CMTM8: variants seen among roughly 807,000 people sequenced by gnomAD.
CMTM8 encodes the protein CKLF like MARVEL transmembrane domain containing 8.
CMTM8 carries 12 observed loss-of-function variants against 18.6 expected under a neutral mutation model. The ratio of observed to expected loss-of-function variants is 0.65; its 90% CI spans 0.41 to 1.05. CMTM8 has a LOEUF of 1.05. CMTM8 is among the 50% of genes least tolerant of loss of function. CMTM8 has a pLI of 0.00. For missense variants in CMTM8, 217 were observed against 227.2 expected, an observed-to-expected ratio of 0.95 and a Z score of 0.29; for synonymous variants, 87 against 90.6, an observed-to-expected ratio of 0.96 and a Z score of 0.23.
chr3:32,308,017 C>A (rs1461163901), intron 1 of CMTM8, among the ~76,000 whole-genome samples: 2 of 152,238 alleles, frequency 1.3e-5, no homozygotes, highest in Non-Finnish European at 2.9e-5. Flanking sequence ...TAAGACCATT[C>A]CTTTAAGCGG....
At chr3:32,273,793 C>G (rs951214817) in intron 1 of CMTM8, among the ~76,000 whole-genome samples, 2 of 151,940 alleles carry the variant, frequency 1.3e-5, no homozygotes, top group Admixed American at 6.6e-5. Flanking sequence ...TTTGAATAGT[C>G]TAAAAATTAC....
In CMTM8 at chr3:32,239,096, G is replaced by A. The variant is rs1178175958; in HGVS notation, c.124G>A (p.Gly42Ser). Residue 42 changes from glycine to serine, a missense_variant, in exon 1 of 4, where the codon GGC becomes AGC. Physicochemically the swap from Gly to Ser is moderately conservative, Grantham distance 56. Coordinates refer to ENST00000307526, the MANE Select transcript of CMTM8 (RefSeq NM_178868.5). The part of the protein sequence containing the change: ...YDREFLRTLP[G>S]FLIVAEIVLG... ...CCGGGAGTTCCTCCGCACCCTGCCC[G>A]GCTTCCTCATCGTGGCCGAGATCGT... 6.2e-7 allele frequency: 1 copy of A among 1,601,100 alleles called. No homozygotes were observed. The highest frequency in any genetic ancestry group is 1.7e-5 in the Admixed American group (1 of 58,688).
At chr3:32,337,604 G>A (rs1430562545) in intron 1 of CMTM8, among the ~76,000 whole-genome samples, 1 of 152,240 alleles carries the variant, frequency 6.6e-6, no homozygotes, top group Non-Finnish European at 1.5e-5. Context: ...TCCCTGGTGT[G>A]TGGAGCAGCC....
chr3:32,322,693 G>C (rs575845805), intron 1 of CMTM8, among the ~76,000 whole-genome samples: 2 of 152,308 alleles, frequency 1.3e-5, no homozygotes, highest in East Asian at 3.9e-4. Context: ...CCAAAAATGG[G>C]TGCCTGGCCC....
chr3:32,363,794 G>A (rs950176180), intron 2 of CMTM8, among the ~76,000 whole-genome samples: 1 of 152,170 alleles, frequency 6.6e-6, no homozygotes, highest in African/African-American at 2.4e-5. Context: ...TGTGTCTGGG[G>A]TAGGGCCTGG....
chr3:32,342,236 A>T (rs927865672), intron 1 of CMTM8, among the ~76,000 whole-genome samples: 1 of 152,194 alleles, frequency 6.6e-6, no homozygotes, highest in Non-Finnish European at 1.5e-5. Context: ...CAACAGAATG[A>T]GACTCCATCT....
intron 1 of CMTM8, among the ~76,000 whole-genome samples, chr3:32,354,537 G>C (rs983719659): frequency 1.3e-5 from 2 of 152,134 alleles, no homozygotes; most frequent in Non-Finnish European, 2.9e-5. Context: ...GGCTTCACTC[G>C]CGTTAATAAT....
chr3:32,266,807 A>G (rs775207346), intron 1 of CMTM8, among the ~76,000 whole-genome samples: 42 of 152,354 alleles, frequency 2.8e-4, no homozygotes, highest in African/African-American at 9.1e-4. Context: ...TTATACACCA[A>G]TAACAGACAA....
At chr3:32,322,577 G>T (rs185456836) in intron 1 of CMTM8, among the ~76,000 whole-genome samples, 3 of 152,288 alleles carry the variant, frequency 2.0e-5, no homozygotes, top group Admixed American at 1.3e-4. Flanking sequence ...GGAATTGTTA[G>T]TCCTTCTAAC....
In CMTM8 at chr3:32,285,791, C is replaced by G. The variant is rs544820423; in HGVS notation, c.147+46672C>G. Among the ~76,000 whole-genome samples the G allele has an allele frequency of 5.9e-5, 9 of 152,244 alleles. No homozygotes were observed. The South Asian group carries it at 1.9e-3, about 32-fold the overall frequency. ...GTGACTTTTTTCTCCTGGCATTTAA[C>G]GTAATTCTTAACTACCTATTTGCTC... On this transcript the variant is annotated intron_variant, in intron 1 of 3. Transcript: ENST00000307526.
At chr3:32,322,431 T>C (rs1274034594) in intron 1 of CMTM8, among the ~76,000 whole-genome samples, 1 of 152,260 alleles carries the variant, frequency 6.6e-6, no homozygotes, top group Non-Finnish European at 1.5e-5. Context: ...TGAAGTTGTA[T>C]GACACCAAGT....
chr3:32,311,807 C>T (rs1176147667), intron 1 of CMTM8, among the ~76,000 whole-genome samples: 1 of 152,180 alleles, frequency 6.6e-6, no homozygotes, highest in Non-Finnish European at 1.5e-5. Flanking sequence ...ACCAGACTGC[C>T]CCTGCCCACT....
chr3:32,340,264 T>C (rs1278862934), intron 1 of CMTM8, among the ~76,000 whole-genome samples: 2 of 152,196 alleles, frequency 1.3e-5, no homozygotes, highest in East Asian at 1.9e-4. Context: ...TTAGTCTTCA[T>C]AAGCAGTGTT....
intron 1 of CMTM8, among the ~76,000 whole-genome samples, chr3:32,249,478 C>T (rs1702087217): frequency 6.6e-6 from 1 of 151,798 alleles, no homozygotes; most frequent in Non-Finnish European, 1.5e-5. Flanking sequence ...AGACTGTTTC[C>T]AAAGGGACCG....
chr3:32,365,291 G>A (rs543783867), intron 2 of CMTM8, among the ~76,000 whole-genome samples: 2 of 147,580 alleles, frequency 1.4e-5, no homozygotes, highest in African/African-American at 4.9e-5. Context: ...GTAAAAATAA[G>A]CCGGTATTTG....
intron 1 of CMTM8, among the ~76,000 whole-genome samples, chr3:32,305,265 C>G (rs1311244840): frequency 7.0e-6 from 1 of 142,806 alleles, no homozygotes; most frequent in Non-Finnish European, 1.5e-5. Context: ...GAGTCTCGCT[C>G]TGTCACCCAG....
intron 1 of CMTM8, among the ~76,000 whole-genome samples, chr3:32,340,872 C>T (rs1696478796): frequency 6.6e-6 from 1 of 152,350 alleles, no homozygotes; most frequent in South Asian, 2.1e-4. Flanking sequence ...CCTCATTCAC[C>T]TTTGTACCCT....
intron 1 of CMTM8, among the ~76,000 whole-genome samples, chr3:32,239,585 A>C (rs1028650146): frequency 5.3e-5 from 8 of 152,114 alleles, no homozygotes; most frequent in African/African-American, 1.9e-4. Flanking sequence ...TGAGTCAGGA[A>C]AATTTTACTG....
intron 1 of CMTM8, among the ~76,000 whole-genome samples, chr3:32,337,023 G>A (rs1252755158): frequency 6.6e-6 from 1 of 152,094 alleles, no homozygotes; most frequent in African/African-American, 2.4e-5. Context: ...ACATTGCAAG[G>A]AGGCTCACGA....
Sources: gnomAD v4.1 joint callset for allele counts (sites outside exome capture counted in the v4.1 genomes callset) on GRCh38, gnomAD v4.1.1 for gene constraint, MANE v1.5 for transcripts, NCBI Gene and HGNC (gene_info 2026-07-23, HGNC 2026-07-21) for gene names.